The following NFAM1 variants were observed in gnomAD, a reference collection of about 807,000 sequenced individuals.
The protein encoded by NFAM1 is NFAT activation molecule 1.
In NFAM1, 17 loss-of-function variants were observed where a neutral mutation model predicts 29.0. That is an observed-to-expected ratio of 0.59 (90% confidence interval 0.40 to 0.88). The LOEUF (loss-of-function observed/expected upper bound fraction) is 0.88. Among genes scored for constraint, NFAM1 ranks in the 40% least tolerant of loss-of-function variants. The probability of loss-of-function intolerance (pLI) is 0.00; values close to 1 mark genes in which losing one functional copy is unlikely to be tolerated. For synonymous variants in NFAM1, 175 were observed against 147.2 expected, an observed-to-expected ratio of 1.19 and a Z score of -1.36; for missense variants, 324 against 344.6, an observed-to-expected ratio of 0.94 and a Z score of 0.47.
chr22:42,431,142 G>C (rs1930783901), intron 1 of NFAM1, among the ~76,000 whole-genome samples: 1 of 152,196 alleles, frequency 6.6e-6, no homozygotes, highest in South Asian at 2.1e-4. Context: ...GGCTGGCCTG[G>C]GGCTGAGGCT....
At chr22:42,410,460 A>G in intron 2 of NFAM1, 1 of 383,652 alleles carries the variant, frequency 2.6e-6, no homozygotes, top group South Asian at 1.9e-5. Context: ...AGGATTCGAG[A>G]CCAGCCTGGC....
chr22:42,432,135 C>T lies in NFAM1; in HGVS notation c.121+102G>A, dbSNP rs1277643535. The T allele has an allele frequency of 3.7e-6, 4 of 1,072,356 alleles. No individual in the cohort carries two copies. In the Admixed American group the frequency reaches 8.1e-5, roughly 22 times the overall value. The allele number at this position is 1,072,356 out of a possible 1,614,324, so 66.4% of individuals were successfully genotyped here. ...GCGTTCAAACGACAACCAGCAAATC[C>T]CCAGAGACAGGTCCCTGGGAATTAG... On this transcript the variant is annotated intron_variant, in intron 1 of 5. Coordinates refer to ENST00000329021, the MANE Select transcript of NFAM1 (RefSeq NM_145912.8).
intron 5 of NFAM1, among the ~76,000 whole-genome samples, chr22:42,386,266 C>T (rs1601730932): frequency 6.6e-6 from 1 of 151,894 alleles, no homozygotes; most frequent in African/African-American, 2.4e-5. Context: ...CCCAGCTACT[C>T]GGGAGGCTGA....
intron 1 of NFAM1, among the ~76,000 whole-genome samples, chr22:42,413,642 G>A (rs1034338578): frequency 6.6e-6 from 1 of 151,990 alleles, no homozygotes; most frequent in African/African-American, 2.4e-5. Flanking sequence ...AAAAAAATCA[G>A]GAGCCGCGGT....
intron 1 of NFAM1, among the ~76,000 whole-genome samples, chr22:42,422,213 G>A (rs1457218037): frequency 6.6e-6 from 1 of 152,034 alleles, no homozygotes; most frequent in Non-Finnish European, 1.5e-5. Flanking sequence ...GGCCGCTCGG[G>A]GACACAAACC....
At chr22:42,395,559 T>C (rs1167421726) in intron 4 of NFAM1, among the ~76,000 whole-genome samples, 1 of 151,212 alleles carries the variant, frequency 6.6e-6, no homozygotes, top group East Asian at 2.0e-4. Flanking sequence ...ACTTGCATTA[T>C]TCATAGATGA....
At chr22:42,425,409 T>C (rs1340887009) in intron 1 of NFAM1, among the ~76,000 whole-genome samples, 1 of 152,196 alleles carries the variant, frequency 6.6e-6, no homozygotes, top group African/African-American at 2.4e-5. Context: ...ACAACTTGGC[T>C]AGCTCACTTT....
rs919064284 is a variant in NFAM1, at chr22:42,409,661, C to T, written c.452-114G>A. The stretch of plus-strand genomic sequence containing the variant: ...TGTTTTCAATGCTACCCCGCCAACA[C>T]GCTCCACACCCCACTAGGCCCCCTG... On this transcript the variant is annotated intron_variant, in intron 2 of 5. Transcript: ENST00000329021. The surrounding 1 kb of genome is among the most constrained non-coding windows in gnomAD (Gnocchi z 4.9). 9 of 452,626 alleles carry T rather than the reference C, an allele frequency of 2.0e-5. No homozygotes were observed. Among genetic ancestry groups the T allele is most frequent in the African/African-American group, 1.0e-4 (5 of 49,304 alleles). 28.0% of individuals were successfully genotyped at this position (452,626 alleles called of 1,614,324 possible).
In NFAM1 at chr22:42,380,816, G is replaced by A. The variant is rs1261852934; in HGVS notation, c.*4345C>T. The stretch of plus-strand genomic sequence containing the variant: ...TAACAAAAAAAAAAAGAGAGAGAGA[G>A]AGAAAGAAAAAGGAAAAGCAGGTTT... On this transcript the variant is annotated 3_prime_UTR_variant, in exon 6 of 6. Transcript: ENST00000329021. The A allele has an allele frequency of 6.6e-6, 1 of 152,368 alleles. No individual in the cohort carries two copies. The highest frequency in any genetic ancestry group is 1.5e-5 in the Non-Finnish European group (1 of 67,970). The allele number at this position is 152,368 out of a possible 1,614,324, so 9.4% of individuals were successfully genotyped here.
At chr22:42,392,430 C>T (rs759168434) in intron 4 of NFAM1, among the ~76,000 whole-genome samples, 6 of 151,586 alleles carry the variant, frequency 4.0e-5, no homozygotes, top group Non-Finnish European at 8.8e-5. Flanking sequence ...AAGGTTCTGG[C>T]GAAGAGGAGG....
chr22:42,407,383 T>C (rs1929935033), intron 3 of NFAM1, among the ~76,000 whole-genome samples: 1 of 151,830 alleles, frequency 6.6e-6, no homozygotes, highest in African/African-American at 2.4e-5. Context: ...CACCCAGCCT[T>C]TTATTTATTT....
Position 42,380,619 on chromosome 22 carries a change from G to A in NFAM1, c.*4542C>T, listed in dbSNP as rs900237887. The A allele has an allele frequency of 3.3e-5, 5 of 152,668 alleles. No homozygotes were observed. Among genetic ancestry groups the A allele is most frequent in the African/African-American group, 1.2e-4 (5 of 41,452 alleles). 9.5% of individuals were successfully genotyped at this position (152,668 alleles called of 1,614,324 possible). ...CTCAGGTGGACAAATGACATCCCCT[G>A]GCATTGCAAGGAATGGAGTGACGCC... is the stretch of plus-strand genomic sequence containing the variant. On this transcript the variant is annotated 3_prime_UTR_variant, in exon 6 of 6. Coordinates refer to ENST00000329021, the MANE Select transcript of NFAM1 (RefSeq NM_145912.8).
chr22:42,412,928 G>T (rs1374914462), intron 1 of NFAM1, among the ~76,000 whole-genome samples: 2 of 152,154 alleles, frequency 1.3e-5, no homozygotes, highest in African/African-American at 4.8e-5. Context: ...CTCATCAGAG[G>T]CACCTCAGAA....
In NFAM1 at chr22:42,383,547, G is replaced by C. The variant is rs952604629; in HGVS notation, c.*1614C>G. 3.9e-5 allele frequency: 6 copies of C among 152,708 alleles called. No individual in the cohort carries two copies. Among genetic ancestry groups the C allele is most frequent in the African/African-American group, 1.4e-4 (6 of 41,460 alleles). The allele number at this position is 152,708 out of a possible 1,614,324, so 9.5% of individuals were successfully genotyped here. On this transcript the variant is annotated 3_prime_UTR_variant, in exon 6 of 6. Transcript: ENST00000329021. Reference sequence around the variant, plus strand: ...CCAGAACCAAGTTGGGAGGCCACTGGCTGTCCTGTGGGACCAGAGAAGTCT... The same window carrying C: ...CCAGAACCAAGTTGGGAGGCCACTGCCTGTCCTGTGGGACCAGAGAAGTCT...
intron 3 of NFAM1, among the ~76,000 whole-genome samples, chr22:42,401,715 C>T (rs899827070): frequency 3.9e-5 from 6 of 152,184 alleles, no homozygotes; most frequent in Admixed American, 1.3e-4. Flanking sequence ...TCTCCCAACA[C>T]GCCCAGCTCT....
rs1930366780 is a variant in NFAM1, at chr22:42,419,589, G to C, written c.122-7853C>G. Among the ~76,000 whole-genome samples, 1 of 152,072 alleles carries C rather than the reference G, an allele frequency of 6.6e-6. No individual in the cohort carries two copies. On this transcript the variant is annotated intron_variant, in intron 1 of 5. Coordinates refer to ENST00000329021, the MANE Select transcript of NFAM1 (RefSeq NM_145912.8). The surrounding 1 kb of genome is among the most constrained non-coding windows in gnomAD (Gnocchi z 4.5). The stretch of plus-strand genomic sequence containing the variant: ...GGAGGATCCAGTTCTTGCCTCCCAG[G>C]ACCTGCACAGCCCCGCTCAGCTGCT...
At chr22:42,433,612 A>G (rs1435168287), upstream of NFAM1, among the ~76,000 whole-genome samples, 1 of 152,152 alleles carries the variant, frequency 6.6e-6, no homozygotes, top group Non-Finnish European at 1.5e-5. Flanking sequence ...TGCTCCAAAC[A>G]TGAACAGTGA....
chr22:42,386,920 C>T (rs907932929), intron 5 of NFAM1, 69 bp downstream of exon 5: 3 of 835,160 alleles, frequency 3.6e-6, no homozygotes, highest in African/African-American at 1.8e-5. Context: ...ATTTGCCCCC[C>T]CACTTCACCA....
rs969555575 is a variant in NFAM1 at position 42,409,197 on chromosome 22, T to C, written c.564+238A>G. Among the ~76,000 whole-genome samples the C allele has an allele frequency of 2.0e-5, 3 of 152,164 alleles. No homozygotes were observed. The highest frequency in any genetic ancestry group is 7.2e-5 in the African/African-American group (3 of 41,440). On this transcript the variant is annotated intron_variant, in intron 3 of 5. Coordinates refer to ENST00000329021, the MANE Select transcript of NFAM1 (RefSeq NM_145912.8). The surrounding 1 kb of genome is among the most constrained non-coding windows in gnomAD (Gnocchi z 4.9). ...CAGGTTCTCAGAGGGACATGGGACC[T>C]GGGAAAGCCTGCAGAGCCCTGGTTT...
Sources: allele counts gnomAD v4.1 joint callset (sites outside exome capture counted in the v4.1 genomes callset), GRCh38; gene constraint gnomAD v4.1.1; non-coding constraint Gnocchi (gnomAD v3.1); transcripts MANE v1.5; gene names NCBI Gene and HGNC (gene_info 2026-07-23, HGNC 2026-07-21).